MFSD12: variants seen among roughly 807,000 people sequenced by gnomAD.
The protein encoded by MFSD12 is major facilitator superfamily domain containing 12, also known as major facilitator superfamily domain-containing protein 12.
MFSD12 carries 67 observed loss-of-function variants against 51.2 expected under a neutral mutation model. The ratio of observed to expected loss-of-function variants is 1.31; its 90% CI spans 1.08 to 1.60. MFSD12 has a LOEUF of 1.60. Among genes scored for constraint, MFSD12 ranks in the 40% most tolerant of loss-of-function variants. The pLI is 0.00. For synonymous variants in MFSD12, 441 were observed against 316.7 expected (o/e 1.39, Z -4.17); for missense variants, 921 against 673.0 (o/e 1.37, Z -4.08).
chr19:3,557,088 C>T lies in MFSD12; in HGVS notation c.298+18G>A, dbSNP rs1366688035. 1.4e-5 allele frequency: 20 copies of T among 1,437,860 alleles called. No homozygotes were observed. The highest frequency in any genetic ancestry group is 1.7e-5 in the Non-Finnish European group (19 of 1,103,062). 89.1% of individuals were successfully genotyped at this position (1,437,860 alleles called of 1,614,324 possible). On this transcript the variant is annotated intron_variant, in intron 1 of 9. Coordinates refer to ENST00000355415, the MANE Select transcript of MFSD12 (RefSeq NM_174983.5). ...CTCGGAGGGGCTGCCCGACAGGTGGCGGGGCCGGGACGCTTACCGACCAGG... is the reference window on the plus strand; with the variant it reads ...CTCGGAGGGGCTGCCCGACAGGTGGTGGGGCCGGGACGCTTACCGACCAGG...
At chr19:3,543,849 G>T, downstream of MFSD12, 3 of 1,543,652 alleles carry the variant, frequency 1.9e-6, no homozygotes, top group Non-Finnish European at 2.6e-6. Context: ...GAACCGGTAC[G>T]GGGTGGAGCC....
intron 6 of MFSD12, among the ~76,000 whole-genome samples, chr19:3,546,690 G>A (rs539635836): frequency 6.6e-6 from 1 of 152,344 alleles, no homozygotes; most frequent in South Asian, 2.1e-4. Context: ...GCAAACGACG[G>A]ACTCGGCTCA....
In MFSD12 at chr19:3,546,320, C is replaced by A; in HGVS notation, c.1129G>T (p.Ala377Ser). ...AVYAAAVLLG[A>S]GCATILVTSL... The stretch of plus-strand genomic sequence containing the variant: ...GTGACGAGGATGGTGGCACAGCCAG[C>A]ACCCAGCAGCACAGCCGCTGCGTAC... The change falls in exon 7 of 10, where the codon GCT (alanine) becomes TCT (serine). Residue 377 changes from alanine (A) to serine (S), a missense_variant. Physicochemically the swap from Ala to Ser is moderately conservative, Grantham distance 99. Transcript: ENST00000355415. 6.2e-7 allele frequency: 1 copy of A among 1,608,546 alleles called. No homozygotes were observed. Among genetic ancestry groups the A allele is most frequent in the Non-Finnish European group, 8.5e-7 (1 of 1,178,250 alleles).
Position 3,548,108 on chromosome 19 carries a change from C to T in MFSD12, c.654+15G>A, listed in dbSNP as rs374665322. On this transcript the variant is annotated intron_variant, in intron 3 of 9. Coordinates refer to ENST00000355415, the MANE Select transcript of MFSD12 (RefSeq NM_174983.5). ...GCTCGAGGACTTCAGGCGACCCACC[C>T]GGACTCCAGCTCACCCGGAACACGG... 171 of 1,604,888 alleles carry T rather than the reference C, an allele frequency of 1.1e-4. 1 individual carries two copies. Among genetic ancestry groups the T allele is most frequent in the Non-Finnish European group, 1.3e-4 (154 of 1,178,956 alleles).
At chr19:3,543,765 G>T (rs1308095369), downstream of MFSD12, 1 of 1,490,268 alleles carries the variant, frequency 6.7e-7, no homozygotes, top group East Asian at 2.5e-5. Flanking sequence ...GGGCGATCCA[G>T]GAGCCCCTTG....
In MFSD12 at chr19:3,544,203, G is replaced by GTCATCTCTTTA; in HGVS notation, c.*496_*506dup. ...GCAGGCAGACAGGAGCCAGGCTGCC[G>GTCATCTCTTTA]TCATCTCTTTATTTGCTGCCAGCAG... On this transcript the variant is annotated 3_prime_UTR_variant, in exon 10 of 10. Coordinates refer to ENST00000355415, the MANE Select transcript of MFSD12 (RefSeq NM_174983.5). 7.4e-7 allele frequency: 1 copy of GTCATCTCTTTA among 1,351,662 alleles called. No homozygotes were observed. Among genetic ancestry groups the GTCATCTCTTTA allele is most frequent in the Non-Finnish European group, 9.5e-7 (1 of 1,050,950 alleles). The allele number at this position is 1,351,662 out of a possible 1,614,324, so 83.7% of individuals were successfully genotyped here.
chr19:3,539,552 C>G (rs1217990215), downstream of MFSD12: 1 of 452,214 alleles, frequency 2.2e-6, no homozygotes, highest in East Asian at 3.4e-5. Context: ...CTCTGAAATC[C>G]AGGCCTGTGC....
Position 3,547,512 on chromosome 19 carries a change from C to T in MFSD12, c.873G>A (p.Val291=), listed in dbSNP as rs1395836910. The T allele has an allele frequency of 3.1e-6, 5 of 1,612,760 alleles. No individual in the cohort carries two copies. The East Asian group carries it at 8.9e-5, about 29-fold the overall frequency. Residue 291 remains valine (V), a synonymous_variant, in exon 5 of 10, where the codon GTG becomes GTA. Coordinates refer to ENST00000355415, the MANE Select transcript of MFSD12 (RefSeq NM_174983.5). ...TGGCCATGTAGGTCTGGGACAGGTT[C>T]ACGATGAGCCTGGTGGTCATGTACA... ...GILYMTTRLI[V]NLSQTYMAMY...
intron 1 of MFSD12, among the ~76,000 whole-genome samples, chr19:3,553,488 G>A (rs1358199872): frequency 1.3e-5 from 2 of 150,242 alleles, no homozygotes; most frequent in African/African-American, 4.9e-5. Flanking sequence ...AAAAAAAAAG[G>A]CCGGGCGCGG....
intron 6 of MFSD12, among the ~76,000 whole-genome samples, 198 bp downstream of exon 6, chr19:3,547,074 G>A (rs555635276): frequency 3.9e-5 from 6 of 152,276 alleles, no homozygotes; most frequent in East Asian, 1.9e-4. Context: ...TCCTGACCTC[G>A]TGATCCGCCC....
At position 3,557,498 on chromosome 19, in the gene MFSD12, C is replaced by T; in HGVS notation, c.-95G>A. The T allele has an allele frequency of 3.9e-6, 3 of 776,426 alleles. No individual in the cohort carries two copies. The highest frequency in any genetic ancestry group is 5.0e-6 in the Non-Finnish European group (3 of 601,940). 48.1% of individuals were successfully genotyped at this position (776,426 alleles called of 1,614,324 possible). A position where few individuals can be genotyped will look rare whatever the true frequency, so the allele number is the denominator to read the frequency against. On this transcript the variant is annotated 5_prime_UTR_variant, in exon 1 of 10. Coordinates refer to ENST00000355415, the MANE Select transcript of MFSD12 (RefSeq NM_174983.5). ...GCCGTGGGGGCAGGCGCCGGGGACC[C>T]CCACCACGCGCCGGGCACCCCGCGT...
At chr19:3,544,034 ACT>A, downstream of MFSD12, 2 of 1,514,420 alleles carry the variant, frequency 1.3e-6, no homozygotes, top group East Asian at 5.0e-5. Flanking sequence ...GGATGCACCC[ACT>A]GTCTCTGCAC....
intron 1 of MFSD12, among the ~76,000 whole-genome samples, chr19:3,553,204 G>T (rs2031564118): frequency 6.6e-6 from 1 of 152,074 alleles, no homozygotes; most frequent in East Asian, 1.9e-4. Context: ...TTCCTGGCTG[G>T]ACTCCCTGTT....
chr19:3,542,405 G>T, downstream of MFSD12: 7 of 985,430 alleles, frequency 7.1e-6, no homozygotes, highest in Non-Finnish European at 7.2e-6. Flanking sequence ...CAGCAACCTT[G>T]TTTTCTGGGA....
intron 2 of MFSD12, among the ~76,000 whole-genome samples, chr19:3,549,585 T>C (rs1381750030): frequency 4.9e-5 from 7 of 143,688 alleles, no homozygotes; most frequent in Admixed American, 1.4e-4. Context: ...TAGCCGGGGG[T>C]GGTGGCGGGT....
At chr19:3,553,746 A>C (rs1463594083) in intron 1 of MFSD12, among the ~76,000 whole-genome samples, 1 of 148,360 alleles carries the variant, frequency 6.7e-6, no homozygotes, top group Non-Finnish European at 1.5e-5. Context: ...AAAAAAAAAA[A>C]AAAAAAACAA....
rs759351452 is a variant in MFSD12 at position 3,546,153 on chromosome 19, C to A, written c.1210G>T (p.Val404Leu). 1.2e-6 allele frequency: 2 copies of A among 1,613,162 alleles called. No individual in the cohort carries two copies. The highest frequency in any genetic ancestry group is 2.2e-5 in the East Asian group (1 of 44,892). ...TCCAAGAAGCTCATGGAGCCGTACA[C>A]GAACGCTCCGCTGTTCTGTGGAGAC... ...IGPHTNSGAF[V>L]YGSMSFLDKV... Residue 404 changes from valine (V) to leucine (L), a missense_variant, in exon 8 of 10, where the codon GTG (valine) becomes TTG (leucine). Coordinates refer to ENST00000355415, the MANE Select transcript of MFSD12 (RefSeq NM_174983.5).
chr19:3,539,158 C>T lies in MFSD12; in HGVS notation c.*6-402G>A, dbSNP rs769235084. The stretch of plus-strand genomic sequence containing the variant: ...GGCCTCAGAGGCCTTCTGGCAGGAG[C>T]CCGGGGGATCCAGGCAGACATGCAA... On this transcript the variant is annotated intron_variant, in intron 4 of 4. Coordinates refer to the MFSD12 transcript ENST00000398558. 1.6e-5 allele frequency: 24 copies of T among 1,540,008 alleles called. No homozygotes were observed. In the South Asian group the frequency reaches 2.0e-4, roughly 13 times the overall value.
chr19:3,544,931 A>G lies in MFSD12; in HGVS notation c.1298T>C (p.Leu433Pro). 6.2e-7 allele frequency: 1 copy of G among 1,608,018 alleles called. No homozygotes were observed. The highest frequency in any genetic ancestry group is 8.5e-7 in the Non-Finnish European group (1 of 1,178,354). The change falls in exon 9 of 10, where the codon CTC becomes CCC. Residue 433 changes from leucine to proline, a missense_variant. Transcript: ENST00000355415. Reference sequence around the variant, plus strand: ...AAAGCTCACGCAGGCCCTGCAGCAGAGCTCTGAGCTGTGGGAGGAGGCGGG... The same window carrying G: ...AAAGCTCACGCAGGCCCTGCAGCAGGGCTCTGAGCTGTGGGAGGAGGCGGG... ...IQSLHPCPSE[L>P]CCRACVSFYH...
Sources: gnomAD v4.1 joint callset for allele counts (sites outside exome capture counted in the v4.1 genomes callset) on GRCh38, gnomAD v4.1.1 for gene constraint, MANE v1.5 for transcripts, NCBI Gene and HGNC (gene_info 2026-07-23, HGNC 2026-07-21) for gene names.